KPNA1: variants seen among roughly 807,000 people sequenced by gnomAD.
KPNA1 encodes the protein importin subunit alpha-5.
KPNA1 carries 10 observed loss-of-function variants against 70.5 expected under a neutral mutation model. That is an observed-to-expected ratio of 0.14 (90% CI 0.09 to 0.24). The LOEUF (loss-of-function observed/expected upper bound fraction) is 0.24, where lower values mean the gene tolerates loss of function less well. Among genes scored for constraint, KPNA1 ranks in the 10% least tolerant of loss-of-function variants. The probability of loss-of-function intolerance (pLI) is 1.00; values close to 1 mark genes in which losing one functional copy is unlikely to be tolerated. For missense variants in KPNA1, 397 were observed against 637.9 expected, an observed-to-expected ratio of 0.62 and a Z score of 4.07; for synonymous variants, 192 against 221.9, an observed-to-expected ratio of 0.87 and a Z score of 1.20.
intron 2 of KPNA1, among the ~76,000 whole-genome samples, chr3:122,493,073 T>C (rs2107494562): frequency 1.3e-5 from 2 of 152,344 alleles, no homozygotes; most frequent in East Asian, 1.9e-4. Flanking sequence ...GTGCTTAAAA[T>C]AGTACCTGAC....
chr3:122,483,015 T>G (rs944374088), intron 2 of KPNA1: 1 of 152,608 alleles, frequency 6.6e-6, no homozygotes, highest in South Asian at 2.1e-4. Flanking sequence ...GCTGAAGGGA[T>G]AGTGAAGGAA....
At chr3:122,503,986 AG>A (rs1332302736) in intron 1 of KPNA1, among the ~76,000 whole-genome samples, 1 of 152,250 alleles carries the variant, frequency 6.6e-6, no homozygotes, top group African/African-American at 2.4e-5. Flanking sequence ...GAAGAATTCT[AG>A]GGCAGGAAAA....
rs1357964524 is a variant in KPNA1, at chr3:122,460,347, TG to T, written c.432+876del. ...TGGTTTCTTTTCTTATGAAAATTAT[TG>T]AATACTTGGCTGGGAGCAGTGGCTC... On this transcript the variant is annotated intron_variant, in intron 5 of 13. Transcript: ENST00000344337. The T allele has an allele frequency of 3.0e-6, 3 of 984,206 alleles. No homozygotes were observed. The Admixed American group carries it at 1.8e-4, about 61-fold the overall frequency. The allele number at this position is 984,206 out of a possible 1,614,324, so 61.0% of individuals were successfully genotyped here.
In KPNA1 at chr3:122,496,535, G is replaced by A. The variant is rs756159285; in HGVS notation, c.31C>T (p.Leu11=). The A allele has an allele frequency of 6.2e-7, 1 of 1,613,834 alleles. No homozygotes were observed. Among genetic ancestry groups the A allele is most frequent in the South Asian group, 1.1e-5 (1 of 91,078 alleles). ...AGAGATTTGTTCTTGTAACTTTTCA[G>A]GCGAAAGTTCTCTTTTCCTGGGGTG... MTTPGKENFR[L]KSYKNKSLNP... is the part of the protein sequence containing the mutation. The change falls in exon 2 of 14, where the codon CTG becomes TTG. Residue 11 remains leucine (L), a synonymous_variant. Transcript: ENST00000344337.
At chr3:122,499,132 C>T (rs951200467) in intron 1 of KPNA1, among the ~76,000 whole-genome samples, 2 of 128,718 alleles carry the variant, frequency 1.6e-5, no homozygotes, top group Non-Finnish European at 3.6e-5. Flanking sequence ...CACATCATGT[C>T]GTCTACAATA....
intron 1 of KPNA1, among the ~76,000 whole-genome samples, chr3:122,500,869 GCT>G (rs537413571): frequency 6.6e-6 from 1 of 151,416 alleles, no homozygotes; most frequent in African/African-American, 2.4e-5. Flanking sequence ...CATCTTTAAT[GCT>G]CTCTATTGTT....
intron 1 of KPNA1, among the ~76,000 whole-genome samples, chr3:122,502,137 A>G (rs544419609): frequency 1.3e-5 from 2 of 152,292 alleles, no homozygotes; most frequent in East Asian, 1.9e-4. Context: ...CTCACCTTTT[A>G]CAGATAAGGA....
intron 2 of KPNA1, among the ~76,000 whole-genome samples, chr3:122,493,642 C>T (rs1301832243): frequency 2.0e-5 from 3 of 152,210 alleles, no homozygotes; most frequent in African/African-American, 7.2e-5. Context: ...ATTTGACTTA[C>T]AGGATATGAG....
At chr3:122,454,692 C>T (rs1375959367) in intron 5 of KPNA1, among the ~76,000 whole-genome samples, 1 of 151,976 alleles carries the variant, frequency 6.6e-6, no homozygotes, top group Non-Finnish European at 1.5e-5. Context: ...AAAGAAATGA[C>T]AACTTCAAAG....
Position 122,480,701 on chromosome 3 carries a change from T to C in KPNA1, c.130-13272A>G, listed in dbSNP as rs946742227. Among the ~76,000 whole-genome samples, 6 of 151,952 alleles carry C rather than the reference T, an allele frequency of 3.9e-5. No homozygotes were observed. The South Asian group carries it at 8.3e-4, about 21-fold the overall frequency. On this transcript the variant is annotated intron_variant, in intron 2 of 13. Transcript: ENST00000344337. Reference sequence around the variant, plus strand: ...AAAAAAAAGTATTTTAAAAAAACCATTGAGGCCAGGCACAGTGCCTCACAC... The same window carrying C: ...AAAAAAAAGTATTTTAAAAAAACCACTGAGGCCAGGCACAGTGCCTCACAC...
rs1416488903 is a variant in KPNA1 at position 122,434,219 on chromosome 3, G to A, written c.1123-431C>T. Among the ~76,000 whole-genome samples the A allele has an allele frequency of 2.6e-5, 4 of 152,318 alleles. No individual in the cohort carries two copies. In the East Asian group the frequency reaches 7.7e-4, roughly 29 times the overall value. On this transcript the variant is annotated intron_variant, in intron 11 of 13. Coordinates refer to ENST00000344337, the MANE Select transcript of KPNA1 (RefSeq NM_002264.4). Reference sequence around the variant, plus strand: ...CCCAAAGTGCAGGGATTACAGGTGGGAGCCACCGCACCCAGCCTATCCCTA... The same window carrying A: ...CCCAAAGTGCAGGGATTACAGGTGGAAGCCACCGCACCCAGCCTATCCCTA...
chr3:122,506,196 A>G (rs2076888585), intron 1 of KPNA1, among the ~76,000 whole-genome samples: 1 of 152,178 alleles, frequency 6.6e-6, no homozygotes, highest in Non-Finnish European at 1.5e-5. Context: ...AAATGTTCTG[A>G]ATATTTAAAA....
chr3:122,469,467 T>TA (rs907674571), intron 2 of KPNA1, among the ~76,000 whole-genome samples: 1 of 152,216 alleles, frequency 6.6e-6, no homozygotes, highest in Non-Finnish European at 1.5e-5. Context: ...AATACACACT[T>TA]ACACGCAGAC....
At chr3:122,471,364 A>G (rs2076440147) in intron 2 of KPNA1, among the ~76,000 whole-genome samples, 2 of 152,342 alleles carry the variant, frequency 1.3e-5, no homozygotes, top group Non-Finnish European at 2.9e-5. Context: ...GACAGTTAAT[A>G]TTCAGTTCAA....
chr3:122,462,329 G>C (rs1037888779), intron 4 of KPNA1, among the ~76,000 whole-genome samples: 1 of 152,060 alleles, frequency 6.6e-6, no homozygotes, highest in African/African-American at 2.4e-5. Flanking sequence ...AACAGTTCGT[G>C]AACAAAAGCA....
At chr3:122,477,296 G>T (rs2076513385) in intron 2 of KPNA1, among the ~76,000 whole-genome samples, 1 of 152,178 alleles carries the variant, frequency 6.6e-6, no homozygotes, top group Admixed American at 6.5e-5. Flanking sequence ...CTGGAGAGAT[G>T]TTGGTGAAGG....
chr3:122,514,482 ACGCCGCCCCGCCC>A (rs1353567617), intron 1 of KPNA1: 1 of 144,658 alleles, frequency 6.9e-6, no homozygotes, highest in Non-Finnish European at 1.5e-5. Flanking sequence ...CCGCCGCGCC[ACGCCGCCCCGCCC>A]CGCCTAGCCT....
intron 2 of KPNA1, among the ~76,000 whole-genome samples, chr3:122,479,579 G>A (rs2076547367): frequency 6.6e-6 from 1 of 152,048 alleles, no homozygotes; most frequent in Admixed American, 6.6e-5. Flanking sequence ...GAGCAACATG[G>A]TGAAACCCTG....
At chr3:122,453,727 G>C (rs971778534) in intron 6 of KPNA1, 143 bp downstream of exon 6, 5 of 628,004 alleles carry the variant, frequency 8.0e-6, no homozygotes, top group Non-Finnish European at 1.3e-5. Flanking sequence ...AGTAGAGACG[G>C]GATTTCACCA....
Sources: allele counts gnomAD v4.1 joint callset (sites outside exome capture counted in the v4.1 genomes callset), GRCh38; gene constraint gnomAD v4.1.1; transcripts MANE v1.5; gene names NCBI Gene and HGNC (gene_info 2026-07-23, HGNC 2026-07-21).